RBM47: variants seen among roughly 807,000 people sequenced by gnomAD.
The protein encoded by RBM47 is RNA-binding protein 47.
In RBM47, 21 loss-of-function variants were observed where a neutral mutation model predicts 47.1. The ratio of observed to expected loss-of-function variants is 0.45; its 90% CI spans 0.32 to 0.64. The LOEUF (loss-of-function observed/expected upper bound fraction) is 0.64. Among genes scored for constraint, RBM47 ranks in the 30% least tolerant of loss-of-function variants. The pLI is 0.05. For missense variants in RBM47, 708 were observed against 870.9 expected (o/e 0.81, Z 2.35); for synonymous variants, 375 against 361.7 (o/e 1.04, Z -0.42).
intron 4 of RBM47, 70 bp from the exon 5 acceptor site, chr4:40,436,717 G>A (rs1434218319): frequency 1.9e-5 from 29 of 1,491,910 alleles, no homozygotes; most frequent in Admixed American, 1.7e-4. Context: ...CTCAGCCCTC[G>A]GTTCTCGGCA....
intron 6 of RBM47, 132 bp from the exon 7 acceptor site, chr4:40,426,275 G>C: frequency 8.5e-7 from 1 of 1,182,448 alleles, no homozygotes; most frequent in African/African-American, 1.5e-5. Flanking sequence ...CAGAGGGGCG[G>C]GCAAACAGCA....
At chr4:40,547,727 T>C (rs1341057221) in intron 1 of RBM47, among the ~76,000 whole-genome samples, 8 of 152,212 alleles carry the variant, frequency 5.3e-5, no homozygotes. Context: ...ACATGCTCTA[T>C]CCAAAGGTAT....
At chr4:40,535,756 C>T (rs1038816553) in intron 2 of RBM47, among the ~76,000 whole-genome samples, 1 of 152,100 alleles carries the variant, frequency 6.6e-6, no homozygotes, top group Non-Finnish European at 1.5e-5. Flanking sequence ...GACTGGGTTT[C>T]ACCATGTTGA....
intron 1 of RBM47, among the ~76,000 whole-genome samples, chr4:40,624,618 A>G (rs1254107802): frequency 1.3e-5 from 2 of 152,206 alleles, no homozygotes; most frequent in African/African-American, 4.8e-5. Flanking sequence ...CAAAAACAAC[A>G]AAAACATTAG....
At chr4:40,581,295 G>A (rs894657004) in intron 1 of RBM47, among the ~76,000 whole-genome samples, 7 of 151,878 alleles carry the variant, frequency 4.6e-5, no homozygotes, top group Non-Finnish European at 7.4e-5. Context: ...GGTGACATGC[G>A]CCTGTAGTCC....
chr4:40,619,509 A>G (rs1357118440), intron 1 of RBM47, among the ~76,000 whole-genome samples: 2 of 152,146 alleles, frequency 1.3e-5, no homozygotes, highest in African/African-American at 4.8e-5. Flanking sequence ...ACATGCTCTG[A>G]GTCTCAGTAA....
chr4:40,484,525 G>A (rs1720828734), intron 2 of RBM47, among the ~76,000 whole-genome samples: 1 of 152,038 alleles, frequency 6.6e-6, no homozygotes, highest in African/African-American at 2.4e-5. Context: ...GGTATGGTTG[G>A]GATCATGTTA....
chr4:40,450,613 A>C (rs7691133), intron 3 of RBM47, among the ~76,000 whole-genome samples: 65,673 of 151,940 alleles, frequency 0.43, 17,016 homozygotes, highest in South Asian at 0.68. Flanking sequence ...AAAAGAAAAA[A>C]AAAAATTATT....
rs193195793 is a variant in RBM47, at chr4:40,557,596, A to G, written c.-239-13090T>C. The stretch of plus-strand genomic sequence containing the variant: ...AAACTCCGTCTCTACCAAAAATCCA[A>G]AAATTAGCTGGGCATGGTGGTGGGT... On this transcript the variant is annotated intron_variant, in intron 1 of 6. Coordinates refer to ENST00000295971, the MANE Select transcript of RBM47 (RefSeq NM_001098634.2). Among the ~76,000 whole-genome samples the G allele has an allele frequency of 1.1e-3, 167 of 152,246 alleles. 1 individual carries two copies. The highest frequency in any genetic ancestry group is 3.8e-3 in the African/African-American group (159 of 41,550).
intron 5 of RBM47, among the ~76,000 whole-genome samples, chr4:40,435,873 G>A (rs1433150075): frequency 6.6e-6 from 1 of 151,298 alleles, no homozygotes; most frequent in African/African-American, 2.4e-5. Flanking sequence ...AAACCTTACT[G>A]CATGGCCAGG....
At chr4:40,581,433 A>ATAATAAAT (rs1460361728) in intron 1 of RBM47, among the ~76,000 whole-genome samples, 4 of 49,268 alleles carry the variant, frequency 8.1e-5, no homozygotes, top group African/African-American at 3.7e-4. Flanking sequence ...AAAAAAAGTA[A>ATAATAAAT]TAATAAATAA....
intron 3 of RBM47, among the ~76,000 whole-genome samples, chr4:40,451,267 C>G (rs1715402507): frequency 6.6e-6 from 1 of 151,404 alleles, no homozygotes; most frequent in African/African-American, 2.4e-5. Flanking sequence ...GTAAGTGTCT[C>G]TGTGATACAA....
chr4:40,589,390 G>A (rs951483454), intron 1 of RBM47, among the ~76,000 whole-genome samples: 1 of 152,132 alleles, frequency 6.6e-6, no homozygotes, highest in Non-Finnish European at 1.5e-5. Flanking sequence ...CCATTGAACT[G>A]TACAATGTAG....
intron 1 of RBM47, among the ~76,000 whole-genome samples, chr4:40,548,998 G>T (rs1407033042): frequency 2.0e-5 from 3 of 151,604 alleles, no homozygotes; most frequent in Non-Finnish European, 4.4e-5. Flanking sequence ...ATGAGAAAAT[G>T]AGTTTCTTAA....
chr4:40,493,894 G>A (rs909837967), intron 2 of RBM47, among the ~76,000 whole-genome samples: 20 of 151,018 alleles, frequency 1.3e-4, no homozygotes, highest in African/African-American at 4.6e-4. Context: ...AGCCAAGATC[G>A]CACCACTGCA....
intron 2 of RBM47, among the ~76,000 whole-genome samples, chr4:40,517,383 C>T (rs1725704327): frequency 1.3e-5 from 2 of 152,114 alleles, no homozygotes; most frequent in East Asian, 1.9e-4. Context: ...ATGATCCACC[C>T]GCTTCGGCCT....
intron 2 of RBM47, among the ~76,000 whole-genome samples, chr4:40,480,593 A>C (rs1720250271): frequency 6.6e-6 from 1 of 152,192 alleles, no homozygotes; most frequent in Non-Finnish European, 1.5e-5. Context: ...ATGTTCAATG[A>C]ATGAAACCAT....
At chr4:40,461,290 G>A (rs140324392) in intron 3 of RBM47, among the ~76,000 whole-genome samples, 10 of 152,248 alleles carry the variant, frequency 6.6e-5, no homozygotes, top group East Asian at 1.9e-4. Flanking sequence ...CAGTAAAAAC[G>A]CCCAGATTTG....
intron 1 of RBM47, among the ~76,000 whole-genome samples, chr4:40,587,546 C>T (rs1447959845): frequency 6.6e-6 from 1 of 152,146 alleles, no homozygotes; most frequent in Non-Finnish European, 1.5e-5. Context: ...TTCTAAGAAC[C>T]CTTTTCCCCT....
Sources: allele counts gnomAD v4.1 joint callset (sites outside exome capture counted in the v4.1 genomes callset), GRCh38; gene constraint gnomAD v4.1.1; transcripts MANE v1.5; gene names NCBI Gene and HGNC (gene_info 2026-07-23, HGNC 2026-07-21).